ANO10: variants seen among roughly 807,000 people sequenced by gnomAD.
ANO10 encodes anoctamin-10.
A neutral mutation model predicts 74.7 loss-of-function variants in ANO10; 77 were observed. The ratio of observed to expected loss-of-function variants is 1.03; its 90% CI spans 0.86 to 1.25. The LOEUF is 1.25. ANO10 is among the 50% of genes most tolerant of loss of function. ANO10 has a pLI of 0.00. For missense variants in ANO10, 721 were observed against 778.1 expected (o/e 0.93, Z 0.87); for synonymous variants, 279 against 284.9 (o/e 0.98, Z 0.21).
intron 11 of ANO10, among the ~76,000 whole-genome samples, chr3:43,547,272 G>A (rs1406521635): frequency 1.3e-5 from 2 of 152,204 alleles, no homozygotes; most frequent in Non-Finnish European, 2.9e-5. Flanking sequence ...CTAGCAGACT[G>A]ACCCTTTAAA....
chr3:43,454,452 A>G (rs1277832843), intron 11 of ANO10, among the ~76,000 whole-genome samples: 2 of 152,184 alleles, frequency 1.3e-5, no homozygotes, highest in East Asian at 3.8e-4. Flanking sequence ...TGGCCCAAGA[A>G]CAGAGCCCAA....
chr3:43,382,681 C>T (rs184491470), intron 12 of ANO10, among the ~76,000 whole-genome samples: 494 of 152,106 alleles, frequency 3.2e-3, no homozygotes, highest in Non-Finnish European at 5.1e-3. Flanking sequence ...TAATTAGAAA[C>T]GAAACGGGAG....
At chr3:43,635,496 TA>T (rs1397558024) in intron 1 of ANO10, among the ~76,000 whole-genome samples, 45 of 152,262 alleles carry the variant, frequency 3.0e-4, no homozygotes, top group Non-Finnish European at 5.7e-4. Context: ...GTGACTTTTA[TA>T]AAGTAAATAT....
chr3:43,411,731 A>C (rs2092668420), intron 12 of ANO10, among the ~76,000 whole-genome samples: 2 of 152,200 alleles, frequency 1.3e-5, no homozygotes, highest in Non-Finnish European at 2.9e-5. Context: ...AGTCCAATGT[A>C]GGGCCATCTA....
intron 1 of ANO10, among the ~76,000 whole-genome samples, chr3:43,685,235 TTTTC>T (rs1247814850): frequency 1.3e-5 from 2 of 152,224 alleles, no homozygotes; most frequent in Non-Finnish European, 2.9e-5. Flanking sequence ...TTCATTTTTA[TTTTC>T]TTTTTCTTCT....
intron 12 of ANO10, among the ~76,000 whole-genome samples, chr3:43,382,518 CAAAA>C (rs71616090): frequency 1.1e-5 from 1 of 92,770 alleles, no homozygotes; most frequent in African/African-American, 4.6e-5. Context: ...GACTCCGTCT[CAAAA>C]AAAAAAAAAA....
chr3:43,574,965 A>T, intron 6 of ANO10, 101 bp from the exon 7 acceptor site: 1 of 894,480 alleles, frequency 1.1e-6, no homozygotes, highest in Non-Finnish European at 1.9e-6. Flanking sequence ...GATGTCCAAC[A>T]TCAGAGCCTC....
At chr3:43,559,590 T>C (rs2079927025) in intron 9 of ANO10, among the ~76,000 whole-genome samples, 1 of 151,862 alleles carries the variant, frequency 6.6e-6, no homozygotes, top group Non-Finnish European at 1.5e-5. Context: ...AAGAAGTAGA[T>C]ACAAGAGTAC....
At chr3:43,579,301 A>G (rs2081157960) in intron 5 of ANO10, among the ~76,000 whole-genome samples, 3 of 152,224 alleles carry the variant, frequency 2.0e-5, no homozygotes. Context: ...ACCTCAAAAG[A>G]TGTTTGGCCT....
chr3:43,414,898 C>T (rs150194043), intron 12 of ANO10, among the ~76,000 whole-genome samples: 1 of 151,698 alleles, frequency 6.6e-6, no homozygotes, highest in East Asian at 1.9e-4. Context: ...GTAGAAAAGC[C>T]ACAGACTTAA....
intron 12 of ANO10, among the ~76,000 whole-genome samples, chr3:43,427,324 A>C (rs1182794693): frequency 1.3e-5 from 2 of 152,104 alleles, no homozygotes; most frequent in African/African-American, 2.4e-5. Flanking sequence ...ATTTTAAAAA[A>C]AATGTAAGTC....
chr3:43,407,925 TTTCTC>T (rs1385153492), intron 12 of ANO10, among the ~76,000 whole-genome samples: 1 of 152,128 alleles, frequency 6.6e-6, no homozygotes, highest in Admixed American at 6.5e-5. Flanking sequence ...GGGGCTGGGG[TTTCTC>T]TTGAGTCATG....
chr3:43,580,847 CTA>C (rs376465655), intron 4 of ANO10, among the ~76,000 whole-genome samples: 72 of 152,118 alleles, frequency 4.7e-4, no homozygotes, highest in African/African-American at 1.6e-3. Flanking sequence ...TTTATACACA[CTA>C]TGTTGTTTCA....
At chr3:43,582,806 G>A (rs556876248) in intron 4 of ANO10, among the ~76,000 whole-genome samples, 1 of 152,214 alleles carries the variant, frequency 6.6e-6, no homozygotes, top group African/African-American at 2.4e-5. Flanking sequence ...TCAGCCTCTG[G>A]TACTGTCGAA....
At chr3:43,626,547 C>T (rs1160814651), upstream of ANO10, among the ~76,000 whole-genome samples, 1 of 151,900 alleles carries the variant, frequency 6.6e-6, no homozygotes, top group East Asian at 1.9e-4. Flanking sequence ...GTGATCTGCC[C>T]ACCTTGGCCT....
chr3:43,687,189 G>A (rs533328681), intron 1 of ANO10, among the ~76,000 whole-genome samples: 5 of 152,172 alleles, frequency 3.3e-5, no homozygotes, highest in African/African-American at 1.2e-4. Flanking sequence ...GGTGGCTTAC[G>A]CCTATAATCC....
chr3:43,400,978 T>A (rs2092470891), intron 12 of ANO10, among the ~76,000 whole-genome samples: 1 of 152,186 alleles, frequency 6.6e-6, no homozygotes, highest in Non-Finnish European at 1.5e-5. Context: ...CCGTTAATCC[T>A]CTTTCATGAT....
intron 12 of ANO10, among the ~76,000 whole-genome samples, chr3:43,394,597 C>T (rs961564187): frequency 5.9e-5 from 9 of 152,198 alleles, no homozygotes; most frequent in South Asian, 2.1e-4. Flanking sequence ...ACAACAACAA[C>T]GCCCTTACAC....
chr3:43,402,665 C>A (rs937293540), intron 12 of ANO10, among the ~76,000 whole-genome samples: 7 of 152,128 alleles, frequency 4.6e-5, no homozygotes, highest in African/African-American at 1.4e-4. Context: ...CTGAGAGGTA[C>A]CACACTGGCT....
Sources: gnomAD v4.1 joint callset for allele counts (sites outside exome capture counted in the v4.1 genomes callset) on GRCh38, gnomAD v4.1.1 for gene constraint, MANE v1.5 for transcripts, NCBI Gene and HGNC (gene_info 2026-07-23, HGNC 2026-07-21) for gene names.